SAAL1: variants seen among roughly 807,000 people sequenced by gnomAD.
SAAL1 encodes protein SAAL1.
SAAL1 carries 42 observed loss-of-function variants against 59.8 expected under a neutral mutation model. The ratio of observed to expected loss-of-function variants is 0.70; its 90% CI spans 0.55 to 0.91. SAAL1 has a LOEUF of 0.91. Ranked by LOEUF, SAAL1 falls within the 40% of genes least tolerant of loss-of-function variation. The probability of loss-of-function intolerance (pLI) is 0.00; values close to 1 mark genes in which losing one functional copy is unlikely to be tolerated. For synonymous variants in SAAL1, 191 were observed against 194.3 expected (o/e 0.98, Z 0.14); for missense variants, 542 against 561.1 (o/e 0.97, Z 0.34).
intron 2 of SAAL1, among the ~76,000 whole-genome samples, chr11:18,098,961 C>G (rs375955299): frequency 3.3e-4 from 50 of 152,326 alleles, no homozygotes; most frequent in Middle Eastern, 3.4e-3. Context: ...CAAAACAACT[C>G]TATCAACTAG....
intron 7 of SAAL1, 60 bp downstream of exon 7, chr11:18,089,270 T>C: frequency 2.1e-6 from 3 of 1,405,872 alleles, no homozygotes; most frequent in Non-Finnish European, 2.9e-6. Flanking sequence ...CTTTTATATC[T>C]GAGAATACTT....
intron 1 of SAAL1, 83 bp from the exon 2 acceptor site, chr11:18,103,429 T>C: frequency 6.8e-6 from 7 of 1,025,312 alleles, no homozygotes; most frequent in South Asian, 3.8e-5. Context: ...GGTGATCAAA[T>C]AACATTTCCT....
In SAAL1 at chr11:18,090,275, G is replaced by C; in HGVS notation, c.489C>G (p.Cys163Trp). The change falls in exon 6 of 12, where the codon TGC (cysteine) becomes TGG (tryptophan). Residue 163 changes from cysteine to tryptophan, a missense_variant. By Grantham distance (215) the Cys-to-Trp change is radical. Transcript: ENST00000524803. ...CACTGGCCACTTCTGCCTGGGAAAG[G>C]CAAGTAAGCAACAACCTACATGGTA... ...LLETSRLLLT[C>W]LSQAEVASVW... 1 of 1,599,586 alleles carries C rather than the reference G, an allele frequency of 6.3e-7. No homozygotes were observed. The highest frequency in any genetic ancestry group is 8.5e-7 in the Non-Finnish European group (1 of 1,176,598).
Position 18,086,974 on chromosome 11 carries a change from GATC to G in SAAL1, c.931_933del (p.Asp311del). ...TTCTGTTCTTGAAGAATGATGGGTG[GATC>G]ATCAGACTGGCAGAATTCATGGCAG... On this transcript the variant is annotated inframe_deletion, in exon 9 of 12. Coordinates refer to ENST00000524803, the MANE Select transcript of SAAL1 (RefSeq NM_138421.3). 6.2e-7 allele frequency: 1 copy of G among 1,613,538 alleles called. No individual in the cohort carries two copies. The highest frequency in any genetic ancestry group is 1.7e-5 in the Admixed American group (1 of 60,024).
At chr11:18,088,470 G>A (rs971060412) in intron 7 of SAAL1, among the ~76,000 whole-genome samples, 3 of 152,180 alleles carry the variant, frequency 2.0e-5, no homozygotes, top group African/African-American at 7.2e-5. Flanking sequence ...TGCAAAAACA[G>A]CTTTAAAGTC....
chr11:18,086,572 G>A (rs1848465904), intron 9 of SAAL1, among the ~76,000 whole-genome samples: 1 of 151,928 alleles, frequency 6.6e-6, no homozygotes, highest in Non-Finnish European at 1.5e-5. Context: ...ATAGTGGTGT[G>A]CGCCTGTAAT....
intron 1 of SAAL1, 31 bp downstream of exon 1, chr11:18,105,876 G>A (rs780228905): frequency 1.3e-6 from 2 of 1,557,376 alleles, no homozygotes; most frequent in Non-Finnish European, 1.7e-6. Flanking sequence ...GGGATGTAGG[G>A]ACACCCCACG....
At position 18,092,304 on chromosome 11, in the gene SAAL1, TA is replaced by T; in HGVS notation, c.353del (p.Leu118Ter). On this transcript the variant is annotated frameshift_variant, in exon 4 of 12. Coordinates refer to ENST00000524803, the MANE Select transcript of SAAL1 (RefSeq NM_138421.3). LOFTEE classifies it high-confidence loss of function. ...TCTCCTGGAAACAGGCCATATTACC[TA>T]AAATTCCCACACAGATTTCCTGCCA... ...PRLREICVGI[L>X]GNMACFQEIC... is the part of the protein sequence containing the mutation. 6.2e-7 allele frequency: 1 copy of T among 1,605,390 alleles called. No individual in the cohort carries two copies.
chr11:18,099,969 G>A (rs1038256642), intron 2 of SAAL1, among the ~76,000 whole-genome samples: 4 of 152,288 alleles, frequency 2.6e-5, no homozygotes, highest in African/African-American at 7.2e-5. Flanking sequence ...TGCCTCAAGG[G>A]CACCTCTTGT....
chr11:18,089,450 A>C lies in SAAL1; in HGVS notation c.650T>G (p.Leu217Arg). 6.2e-7 allele frequency: 1 copy of C among 1,612,918 alleles called. No individual in the cohort carries two copies. The highest frequency in any genetic ancestry group is 8.5e-7 in the Non-Finnish European group (1 of 1,179,584). ...VDKLFDLDEK[L>R]MLEWVRNGAA... is the part of the protein sequence containing the mutation. ...CCCATTTCTGACCCATTCTAACATT[A>C]GTTTCTCATCCAAATCAAAGAGCTT... Residue 217 changes from leucine to arginine, a missense_variant, in exon 7 of 12, where the codon CTA (leucine) becomes CGA (arginine). Leu to Arg is a moderately radical substitution (Grantham distance 102). Coordinates refer to ENST00000524803, the MANE Select transcript of SAAL1 (RefSeq NM_138421.3).
intron 10 of SAAL1, among the ~76,000 whole-genome samples, chr11:18,081,964 T>C (rs1009097998): frequency 1.3e-5 from 2 of 152,222 alleles, no homozygotes; most frequent in African/African-American, 2.4e-5. Context: ...TCCTCTCTAT[T>C]GCTTTTGGAG....
chr11:18,088,098 C>T (rs1848485049), intron 7 of SAAL1, among the ~76,000 whole-genome samples: 1 of 152,072 alleles, frequency 6.6e-6, no homozygotes, highest in South Asian at 2.1e-4. Context: ...TGTGCAAGGG[C>T]CTGGAGACAA....
At chr11:18,083,110 T>C (rs1848427847) in intron 10 of SAAL1, 2 of 152,912 alleles carry the variant, frequency 1.3e-5, no homozygotes, top group Non-Finnish European at 2.9e-5. Context: ...CCATTGAACA[T>C]ATTCAGGGAG....
In SAAL1 at chr11:18,083,693, G is replaced by C. The variant is rs752537579; in HGVS notation, c.1081C>G (p.Gln361Glu). 1.1e-5 allele frequency: 17 copies of C among 1,610,398 alleles called. No individual in the cohort carries two copies. The South Asian group carries it at 1.8e-4, about 17-fold the overall frequency. ...TTTTTCTGACACTGTTCCATATTTT[G>C]TAAGACCCGAATGAGGCTGTCAATT... ...PLIDSLIRVL[Q>E]NMEQCQKKPE... Residue 361 changes from glutamine (Q) to glutamate (E), a missense_variant, in exon 10 of 12, where the codon CAA becomes GAA. By Grantham distance (29) the Gln-to-Glu change is conservative. Coordinates refer to ENST00000524803, the MANE Select transcript of SAAL1 (RefSeq NM_138421.3).
chr11:18,094,463 C>T (rs772763842), intron 3 of SAAL1, among the ~76,000 whole-genome samples: 27 of 152,076 alleles, frequency 1.8e-4, no homozygotes, highest in Admixed American at 9.8e-4. Context: ...AACTGTAGAG[C>T]GTGCAAGCAG....
At chr11:18,091,541 T>C (rs564725289) in intron 4 of SAAL1, among the ~76,000 whole-genome samples, 1 of 152,326 alleles carries the variant, frequency 6.6e-6, no homozygotes, top group Non-Finnish European at 1.5e-5. Context: ...AAAACCCTCA[T>C]GGCCCCAGCT....
intron 10 of SAAL1, 198 bp from the exon 11 acceptor site, chr11:18,081,701 ACCACCAT>A: frequency 1.8e-6 from 1 of 566,422 alleles, no homozygotes; most frequent in Non-Finnish European, 3.1e-6. Context: ...AGTGAAGGGC[ACCACCAT>A]CCACCCTGCT....
chr11:18,084,179 GT>G (rs1564869500), intron 9 of SAAL1, among the ~76,000 whole-genome samples: 3 of 152,048 alleles, frequency 2.0e-5, no homozygotes, highest in African/African-American at 7.2e-5. Context: ...TTTACAAAAA[GT>G]ACAAAAAAAT....
chr11:18,089,629 A>C, intron 6 of SAAL1, 119 bp from the exon 7 acceptor site: 1 of 778,066 alleles, frequency 1.3e-6, no homozygotes, highest in Non-Finnish European at 2.0e-6. Flanking sequence ...TACTTATTCT[A>C]AAGGGTGATT....
Sources: gnomAD v4.1 joint callset for allele counts (sites outside exome capture counted in the v4.1 genomes callset) on GRCh38, gnomAD v4.1.1 for gene constraint, MANE v1.5 for transcripts, NCBI Gene and HGNC (gene_info 2026-07-23, HGNC 2026-07-21) for gene names.